CNTNAP5: variants seen among roughly 807,000 people sequenced by gnomAD.
The protein encoded by CNTNAP5 is contactin associated protein family member 5.
A neutral mutation model predicts 150.2 loss-of-function variants in CNTNAP5; 72 were observed. The observed-to-expected ratio is 0.48, with a 90% CI of 0.40 to 0.58. The LOEUF is 0.58. Among genes scored for constraint, CNTNAP5 ranks in the 20% least tolerant of loss-of-function variants. CNTNAP5 has a pLI of 0.00. For synonymous variants in CNTNAP5, 672 were observed against 619.8 expected (o/e 1.08, Z -1.25); for missense variants, 1,636 against 1,626.2 (o/e 1.01, Z -0.10).
chr2:124,126,968 A>T (rs1169335054), intron 1 of CNTNAP5, among the ~76,000 whole-genome samples: 1 of 152,210 alleles, frequency 6.6e-6, no homozygotes, highest in Non-Finnish European at 1.5e-5. Flanking sequence ...GAATGGGCAA[A>T]AACTGGGAGC....
intron 14 of CNTNAP5, among the ~76,000 whole-genome samples, chr2:124,761,937 C>T (rs1428401485): frequency 2.6e-5 from 4 of 152,030 alleles, no homozygotes; most frequent in African/African-American, 4.8e-5. Context: ...CAGTCGTTGG[C>T]ATTGATGGGC....
intron 12 of CNTNAP5, among the ~76,000 whole-genome samples, chr2:124,642,625 A>G (rs1369235612): frequency 6.6e-6 from 1 of 152,166 alleles, no homozygotes; most frequent in Non-Finnish European, 1.5e-5. Flanking sequence ...AGATCTCTGG[A>G]AAGCCCCTCT....
chr2:124,649,255 G>A (rs1045012983), intron 13 of CNTNAP5, among the ~76,000 whole-genome samples: 11 of 152,158 alleles, frequency 7.2e-5, no homozygotes, highest in African/African-American at 2.7e-4. Context: ...GATTAGATCA[G>A]ACGTACTGGT....
chr2:124,738,004 C>T (rs937322195), intron 13 of CNTNAP5, among the ~76,000 whole-genome samples: 48 of 152,216 alleles, frequency 3.2e-4, no homozygotes, highest in Non-Finnish European at 5.0e-4. Context: ...TCTAAATATA[C>T]ACAATGGCTT....
intron 5 of CNTNAP5, among the ~76,000 whole-genome samples, chr2:124,443,517 A>C (rs570850172): frequency 6.6e-6 from 1 of 152,186 alleles, no homozygotes; most frequent in African/African-American, 2.4e-5. Flanking sequence ...TGGAAGCACA[A>C]GCAAGACATT....
At chr2:124,453,696 C>T (rs978060732) in intron 6 of CNTNAP5, among the ~76,000 whole-genome samples, 3 of 152,146 alleles carry the variant, frequency 2.0e-5, no homozygotes, top group Non-Finnish European at 4.4e-5. Flanking sequence ...CAGCACAAAT[C>T]CTACAAGCTA....
At chr2:124,579,922 G>C (rs1558962447) in intron 11 of CNTNAP5, among the ~76,000 whole-genome samples, 1 of 152,216 alleles carries the variant, frequency 6.6e-6, no homozygotes, top group Non-Finnish European at 1.5e-5. Flanking sequence ...CAACAGACCA[G>C]ACCAAACCAA....
intron 3 of CNTNAP5, among the ~76,000 whole-genome samples, chr2:124,337,062 C>T (rs1484652422): frequency 6.6e-6 from 1 of 152,106 alleles, no homozygotes; most frequent in African/African-American, 2.4e-5. Flanking sequence ...TTAATGATGG[C>T]CATTTTAACT....
intron 1 of CNTNAP5, among the ~76,000 whole-genome samples, chr2:124,067,657 T>G (rs1242084731): frequency 6.6e-6 from 1 of 152,178 alleles, no homozygotes; most frequent in East Asian, 1.9e-4. Flanking sequence ...GGACATGGCA[T>G]TTTCTGCCAA....
intron 4 of CNTNAP5, among the ~76,000 whole-genome samples, chr2:124,427,080 A>C (rs2104787560): frequency 6.6e-6 from 1 of 152,328 alleles, no homozygotes; most frequent in East Asian, 1.9e-4. Context: ...ATTTTGAAAA[A>C]AGGGGAAGAA....
chr2:124,061,033 G>T (rs1422281989), intron 1 of CNTNAP5, among the ~76,000 whole-genome samples: 4 of 152,044 alleles, frequency 2.6e-5, no homozygotes, highest in Non-Finnish European at 5.9e-5. Flanking sequence ...ACCAAGATCT[G>T]AGCACATTCC....
intron 13 of CNTNAP5, among the ~76,000 whole-genome samples, chr2:124,731,370 C>T (rs1351947995): frequency 4.0e-5 from 6 of 151,048 alleles, no homozygotes; most frequent in South Asian, 2.1e-4. Context: ...TTTCTTTTAC[C>T]GTAAGCAGAT....
chr2:124,884,287 G>A (rs919530132), intron 21 of CNTNAP5, among the ~76,000 whole-genome samples: 7 of 151,970 alleles, frequency 4.6e-5, no homozygotes, highest in Non-Finnish European at 4.4e-5. Flanking sequence ...GTACATGCAT[G>A]TCTCTGTGTG....
At position 124,504,475 on chromosome 2, in the gene CNTNAP5, A is replaced by G; in HGVS notation, c.1246A>G (p.Thr416Ala). Reference protein sequence around the residue: ...LSTELSEGSGTLLLSLEGGIL... With the variant: ...LSTELSEGSGALLLSLEGGIL... ...CACAGAGCTGTCTGAGGGCTCGGGA[A>G]CCCTGCTGCTGAGCCTGGAGGGTGG... Residue 416 changes from threonine (T) to alanine (A), a missense_variant, in exon 8 of 24, where the codon ACC becomes GCC. Physicochemically the swap from Thr to Ala is moderately conservative, Grantham distance 58. Transcript: ENST00000682447. The G allele has an allele frequency of 1.9e-6, 3 of 1,613,718 alleles. No homozygotes were observed. Among genetic ancestry groups the G allele is most frequent in the Non-Finnish European group, 2.5e-6 (3 of 1,179,804 alleles).
At chr2:124,784,051 A>C (rs1438809847) in intron 17 of CNTNAP5, among the ~76,000 whole-genome samples, 1 of 152,174 alleles carries the variant, frequency 6.6e-6, no homozygotes, top group Non-Finnish European at 1.5e-5. Context: ...CTGCCACTTT[A>C]GTCAAAAAGT....
At chr2:124,370,534 T>A (rs1690498817) in intron 3 of CNTNAP5, among the ~76,000 whole-genome samples, 2 of 152,146 alleles carry the variant, frequency 1.3e-5, no homozygotes, top group South Asian at 4.2e-4. Context: ...CATGATGTCC[T>A]TGAGAGAAAA....
Position 124,126,686 on chromosome 2 carries a change from C to T in CNTNAP5, c.83-95019C>T, listed in dbSNP as rs957075600. On this transcript the variant is annotated intron_variant, in intron 1 of 23. Coordinates refer to ENST00000682447, the MANE Select transcript of CNTNAP5 (RefSeq NM_001367498.1). ...TAAAATACTGGCAAACCGAATCCAGCAGCACATCAAAAAGCTTATCCACCA... is the reference window on the plus strand; with the variant it reads ...TAAAATACTGGCAAACCGAATCCAGTAGCACATCAAAAAGCTTATCCACCA... Among the ~76,000 whole-genome samples the T allele has an allele frequency of 3.3e-5, 5 of 152,152 alleles. No homozygotes were observed. In the East Asian group the frequency reaches 9.6e-4, roughly 29 times the overall value.
intron 3 of CNTNAP5, among the ~76,000 whole-genome samples, chr2:124,275,066 T>C (rs1687853895): frequency 6.6e-6 from 1 of 152,064 alleles, no homozygotes; most frequent in Non-Finnish European, 1.5e-5. Context: ...GAGAGAGAAC[T>C]TGTGCAGGGA....
chr2:124,602,520 G>T (rs916277082), intron 11 of CNTNAP5, among the ~76,000 whole-genome samples: 1 of 151,708 alleles, frequency 6.6e-6, no homozygotes, highest in Admixed American at 6.6e-5. Flanking sequence ...CTGAGACAGG[G>T]TCTTGCTCTG....
Sources: allele counts gnomAD v4.1 joint callset (sites outside exome capture counted in the v4.1 genomes callset), GRCh38; gene constraint gnomAD v4.1.1; transcripts MANE v1.5; gene names NCBI Gene and HGNC (gene_info 2026-07-23, HGNC 2026-07-21).